The following STK17A variants were observed in gnomAD, a reference collection of about 807,000 sequenced individuals.
STK17A encodes serine/threonine-protein kinase 17A.
In STK17A, 26 loss-of-function variants were observed where a neutral mutation model predicts 43.7. That is an observed-to-expected ratio of 0.60 (90% CI 0.44 to 0.83). STK17A has a LOEUF of 0.83. Among genes scored for constraint, STK17A ranks in the 40% least tolerant of loss-of-function variants. The probability of loss-of-function intolerance (pLI) is 0.00; values close to 1 mark genes in which losing one functional copy is unlikely to be tolerated. For missense variants in STK17A, 476 were observed against 511.6 expected (o/e 0.93, Z 0.67); for synonymous variants, 191 against 182.5 (o/e 1.05, Z -0.38).
intron 2 of STK17A, among the ~76,000 whole-genome samples, chr7:43,607,064 C>G (rs1202866856): frequency 6.6e-6 from 1 of 151,116 alleles, no homozygotes; most frequent in African/African-American, 2.4e-5. Flanking sequence ...GCTGGGATTA[C>G]AGGCATGCGC....
rs763387664 is a variant in STK17A at position 43,608,257 on chromosome 7, G to T, written c.421G>T (p.Ala141Ser). 20 of 1,610,694 alleles carry T rather than the reference G, an allele frequency of 1.2e-5. No individual in the cohort carries two copies. In the South Asian group the frequency reaches 2.1e-4, roughly 17 times the overall value. The change falls in exon 3 of 7, where the codon GCT becomes TCT. Residue 141 changes from alanine (A) to serine (S), a missense_variant and splice_region_variant. By Grantham distance (99) the Ala-to-Ser change is moderately conservative. This residue lies in a region of STK17A where 320 missense variants were observed against 326.3 expected (regional missense o/e 0.98). Coordinates refer to ENST00000319357, the MANE Select transcript of STK17A (RefSeq NM_004760.3). ...TACTTTAATTTTGCCCTTCTCTAGT[G>T]CTGCTGGGGGTGAAATCTTTGACCA... ...ASEMILVLEY[A>S]AGGEIFDQCV...
At chr7:43,606,699 C>T (rs1308417949) in intron 2 of STK17A, among the ~76,000 whole-genome samples, 1 of 151,932 alleles carries the variant, frequency 6.6e-6, no homozygotes. Flanking sequence ...TTTTCTGTTA[C>T]TATACTTGAG....
At chr7:43,591,280 TA>T (rs1208571002) in intron 1 of STK17A, among the ~76,000 whole-genome samples, 3 of 151,504 alleles carry the variant, frequency 2.0e-5, no homozygotes, top group African/African-American at 7.3e-5. Flanking sequence ...TTTTAATAGT[TA>T]AAAAAATTAG....
intron 1 of STK17A, among the ~76,000 whole-genome samples, chr7:43,584,099 C>G (rs556204680): frequency 6.6e-6 from 1 of 152,082 alleles, no homozygotes; most frequent in East Asian, 1.9e-4. Context: ...CTTGCCTTCT[C>G]CCCCCACCCC....
intron 1 of STK17A, among the ~76,000 whole-genome samples, chr7:43,589,464 A>C (rs2152970512): frequency 6.6e-6 from 1 of 151,490 alleles, no homozygotes; most frequent in East Asian, 1.9e-4. Context: ...AATGTTATAT[A>C]TTCTATTATC....
At chr7:43,598,748 G>A (rs1050082791) in intron 2 of STK17A, among the ~76,000 whole-genome samples, 3 of 151,264 alleles carry the variant, frequency 2.0e-5, no homozygotes, top group African/African-American at 7.3e-5. Flanking sequence ...AAATGTTTTT[G>A]TTGTTCTTTT....
intron 6 of STK17A, 146 bp from the exon 7 acceptor site, chr7:43,624,372 A>G: frequency 3.9e-6 from 3 of 776,226 alleles, no homozygotes; most frequent in Non-Finnish European, 5.8e-6. Context: ...AAATTCCAAG[A>G]CTAATAGTTT....
At chr7:43,591,243 G>A (rs2082477483) in intron 1 of STK17A, among the ~76,000 whole-genome samples, 1 of 151,490 alleles carries the variant, frequency 6.6e-6, no homozygotes, top group Non-Finnish European at 1.5e-5. Context: ...CTTGCAAGCT[G>A]TTTTTACATT....
chr7:43,603,851 T>C (rs564924347), intron 2 of STK17A, among the ~76,000 whole-genome samples: 2 of 152,214 alleles, frequency 1.3e-5, no homozygotes, highest in Non-Finnish European at 2.9e-5. Context: ...AAAATTATCT[T>C]CAGGCTATGT....
At chr7:43,595,818 A>T (rs1031623069) in intron 1 of STK17A, 83 bp from the exon 2 acceptor site, 2 of 1,309,348 alleles carry the variant, frequency 1.5e-6, no homozygotes, top group African/African-American at 3.0e-5. Context: ...ATATCTACCA[A>T]TGGGTATTTG....
chr7:43,583,554 C>G, intron 1 of STK17A, 105 bp downstream of exon 1: 1 of 1,004,642 alleles, frequency 1.0e-6, no homozygotes, highest in Non-Finnish European at 1.3e-6. Context: ...AGTGGCGTTG[C>G]TGCTGCCGAT....
intron 1 of STK17A, among the ~76,000 whole-genome samples, chr7:43,587,064 T>C (rs2082446866): frequency 6.6e-6 from 1 of 151,242 alleles, no homozygotes; most frequent in African/African-American, 2.4e-5. Context: ...ACACCACACA[T>C]GTTTTTCAAA....
chr7:43,606,916 CTTTTTTT>C (rs71011933), intron 2 of STK17A, among the ~76,000 whole-genome samples: 33 of 62,638 alleles, frequency 5.3e-4, no homozygotes, highest in Admixed American at 6.5e-4. Context: ...TTTCGATTTT[CTTTTTTT>C]TTTTTTTTTT....
rs569566836 is a variant in STK17A at position 43,623,696 on chromosome 7, C to G, written c.741-13C>G. On this transcript the variant is annotated splice_polypyrimidine_tract_variant and intron_variant, in intron 5 of 6. Transcript: ENST00000319357. ...TGGTACTAAATTTTTCTTGCATTTT[C>G]TTTCTAATTTAGGAGCATTGGAGTG... 28 of 1,600,538 alleles carry G rather than the reference C, an allele frequency of 1.7e-5. 1 individual carries two copies. In the South Asian group the frequency reaches 2.9e-4, roughly 16 times the overall value.
intron 2 of STK17A, among the ~76,000 whole-genome samples, chr7:43,602,681 C>T (rs1452639202): frequency 6.6e-6 from 1 of 152,134 alleles, no homozygotes; most frequent in East Asian, 1.9e-4. Context: ...AAGTGTTCCC[C>T]CCAGTTCCAT....
intron 2 of STK17A, among the ~76,000 whole-genome samples, chr7:43,600,594 G>A (rs1301301539): frequency 1.3e-5 from 2 of 152,080 alleles, no homozygotes; most frequent in Non-Finnish European, 2.9e-5. Context: ...AATAAGTTGT[G>A]AATTTCCACC....
intron 1 of STK17A, among the ~76,000 whole-genome samples, chr7:43,592,593 C>G (rs972075418): frequency 1.3e-5 from 2 of 149,784 alleles, no homozygotes; most frequent in Non-Finnish European, 3.0e-5. Context: ...CTCATGCCTA[C>G]AATCCCAGCA....
chr7:43,624,367 C>T, intron 6 of STK17A, 151 bp from the exon 7 acceptor site: 1 of 751,822 alleles, frequency 1.3e-6, no homozygotes, highest in Non-Finnish European at 2.0e-6. Context: ...CACCCAAATT[C>T]CAAGACTAAT....
intron 2 of STK17A, among the ~76,000 whole-genome samples, chr7:43,596,803 G>T (rs2082518446): frequency 6.6e-6 from 1 of 150,766 alleles, no homozygotes; most frequent in South Asian, 2.1e-4. Flanking sequence ...AGGAGGTGGA[G>T]GTTGCAGTGA....
Sources: gnomAD v4.1 joint callset for allele counts (sites outside exome capture counted in the v4.1 genomes callset) on GRCh38, gnomAD v4.1.1 for gene constraint, gnomAD v4.1.1 regional missense constraint, MANE v1.5 for transcripts, NCBI Gene and HGNC (gene_info 2026-07-23, HGNC 2026-07-21) for gene names.